PDE4D: variants seen among roughly 807,000 people sequenced by gnomAD.
PDE4D encodes the protein 3',5'-cyclic-AMP phosphodiesterase 4D.
A neutral mutation model predicts 87.4 loss-of-function variants in PDE4D; 24 were observed. That is an observed-to-expected ratio of 0.27 (90% CI 0.20 to 0.39). The LOEUF is 0.39. Among genes scored for constraint, PDE4D ranks in the 10% least tolerant of loss-of-function variants. The pLI is 1.00. For synonymous variants in PDE4D, 384 were observed against 383.2 expected, an observed-to-expected ratio of 1.00 and a Z score of -0.02; for missense variants, 714 against 1,041.0, an observed-to-expected ratio of 0.69 and a Z score of 4.32.
At chr5:59,159,453 A>G (rs544545741) in intron 5 of PDE4D, among the ~76,000 whole-genome samples, 7 of 152,158 alleles carry the variant, frequency 4.6e-5, no homozygotes, top group African/African-American at 1.7e-4. Flanking sequence ...GCACATGTAC[A>G]ATTATATTGT....
intron 1 of PDE4D, among the ~76,000 whole-genome samples, chr5:60,515,251 C>G (rs900349864): frequency 1.1e-4 from 17 of 152,082 alleles, no homozygotes; most frequent in Non-Finnish European, 2.2e-4. Context: ...TTCTTGGCTA[C>G]TTGCATTTCC....
At chr5:60,110,008 T>G (rs974114179) in intron 2 of PDE4D, among the ~76,000 whole-genome samples, 1 of 151,968 alleles carries the variant, frequency 6.6e-6, no homozygotes, top group African/African-American at 2.4e-5. Flanking sequence ...ACTTAAAGTA[T>G]AATAATAATT....
intron 1 of PDE4D, among the ~76,000 whole-genome samples, chr5:59,450,716 T>G (rs1243265569): frequency 6.6e-6 from 1 of 152,148 alleles, no homozygotes; most frequent in Non-Finnish European, 1.5e-5. Flanking sequence ...AAAAGGAACA[T>G]TCTCCATGTC....
intron 1 of PDE4D, among the ~76,000 whole-genome samples, chr5:59,423,518 A>G (rs1327332207): frequency 6.6e-6 from 1 of 152,198 alleles, no homozygotes; most frequent in Non-Finnish European, 1.5e-5. Flanking sequence ...AAGATAGAAA[A>G]TATATAAATT....
intron 1 of PDE4D, among the ~76,000 whole-genome samples, chr5:59,834,157 A>G (rs1468386440): frequency 6.6e-6 from 1 of 152,044 alleles, no homozygotes; most frequent in East Asian, 1.9e-4. Context: ...AAATACACCC[A>G]CTGCAAAAGG....
At chr5:60,433,000 C>G (rs1744477466) in intron 1 of PDE4D, among the ~76,000 whole-genome samples, 2 of 152,134 alleles carry the variant, frequency 1.3e-5, no homozygotes, top group Non-Finnish European at 2.9e-5. Flanking sequence ...TAGGAAATAC[C>G]ATTCTAAACA....
chr5:59,884,508 C>A (rs1749890612), intron 1 of PDE4D, among the ~76,000 whole-genome samples: 1 of 151,916 alleles, frequency 6.6e-6, no homozygotes, highest in African/African-American at 2.4e-5. Context: ...ACATACAGAT[C>A]TCAATACAGA....
At chr5:60,217,505 A>T (rs2149588297) in intron 1 of PDE4D, among the ~76,000 whole-genome samples, 1 of 152,104 alleles carries the variant, frequency 6.6e-6, no homozygotes, top group Admixed American at 6.6e-5. Flanking sequence ...TGGATTTTCA[A>T]ATCACATAGT....
At chr5:59,015,497 T>C (rs1364566317) in intron 6 of PDE4D, among the ~76,000 whole-genome samples, 1 of 152,040 alleles carries the variant, frequency 6.6e-6, no homozygotes, top group Non-Finnish European at 1.5e-5. Flanking sequence ...AGAAGACATT[T>C]ATGCAGCCAA....
At chr5:59,122,081 G>T (rs1272378037) in intron 5 of PDE4D, among the ~76,000 whole-genome samples, 3 of 144,972 alleles carry the variant, frequency 2.1e-5, no homozygotes, top group Non-Finnish European at 4.5e-5. Context: ...GGCGGAGGTT[G>T]CAGTGAGCTG....
chr5:59,237,745 T>C (rs1756757155), intron 1 of PDE4D, among the ~76,000 whole-genome samples: 1 of 151,898 alleles, frequency 6.6e-6, no homozygotes, highest in South Asian at 2.1e-4. Flanking sequence ...TCCCTTTCCT[T>C]CTTTATCACA....
At chr5:60,419,505 G>A (rs1742906495) in intron 1 of PDE4D, among the ~76,000 whole-genome samples, 1 of 151,184 alleles carries the variant, frequency 6.6e-6, no homozygotes, top group Non-Finnish European at 1.5e-5. Context: ...CACCTCTGAG[G>A]AGAAGAATTA....
At chr5:59,773,817 AC>A (rs1417327537) in intron 1 of PDE4D, among the ~76,000 whole-genome samples, 1 of 152,142 alleles carries the variant, frequency 6.6e-6, no homozygotes, top group Non-Finnish European at 1.5e-5. Context: ...ATCATCATTG[AC>A]CTTTTATTAG....
chr5:59,803,226 G>A (rs1357754034), intron 1 of PDE4D, among the ~76,000 whole-genome samples: 1 of 151,982 alleles, frequency 6.6e-6, no homozygotes, highest in Non-Finnish European at 1.5e-5. Context: ...TATCACCTGG[G>A]AGCTCATTAG....
chr5:59,110,845 C>A (rs564220206), intron 5 of PDE4D, among the ~76,000 whole-genome samples: 2 of 152,260 alleles, frequency 1.3e-5, no homozygotes, highest in Non-Finnish European at 2.9e-5. Flanking sequence ...ACACCCCAGA[C>A]TGGGCATCAG....
chr5:59,988,359 T>C, intron 3 of PDE4D: 1 of 529,410 alleles, frequency 1.9e-6, no homozygotes. Flanking sequence ...CATCCTTTTT[T>C]TTTTGACTCT....
At chr5:60,083,557 T>C (rs1774207941) in intron 2 of PDE4D, among the ~76,000 whole-genome samples, 1 of 152,228 alleles carries the variant, frequency 6.6e-6, no homozygotes, top group African/African-American at 2.4e-5. Context: ...TCAAGGAAGA[T>C]GGCAAACAGT....
intron 1 of PDE4D, among the ~76,000 whole-genome samples, chr5:59,279,795 G>T (rs1561870848): frequency 6.7e-6 from 1 of 148,376 alleles, no homozygotes; most frequent in African/African-American, 2.6e-5. Flanking sequence ...GTGCATGTAT[G>T]TATGTGTATG....
intron 5 of PDE4D, among the ~76,000 whole-genome samples, chr5:59,174,050 C>T (rs1001676878): frequency 2.6e-5 from 4 of 152,090 alleles, no homozygotes; most frequent in Non-Finnish European, 5.9e-5. Flanking sequence ...TTCTTTCATT[C>T]GATAAGCTCA....
Sources: allele counts gnomAD v4.1 joint callset (sites outside exome capture counted in the v4.1 genomes callset), GRCh38; gene constraint gnomAD v4.1.1; transcripts MANE v1.5; gene names NCBI Gene and HGNC (gene_info 2026-07-23, HGNC 2026-07-21).